The following NSG1 variants were observed in gnomAD, a reference collection of about 807,000 sequenced individuals.
The protein encoded by NSG1 is neuronal vesicle trafficking-associated protein 1.
In NSG1, 9 loss-of-function variants were observed where a neutral mutation model predicts 19.3. The observed-to-expected ratio is 0.47, with a 90% CI of 0.28 to 0.81. The LOEUF (loss-of-function observed/expected upper bound fraction) is 0.81, where lower values mean the gene tolerates loss of function less well. Ranked by LOEUF, NSG1 falls within the 40% of genes least tolerant of loss-of-function variation. NSG1 has a pLI of 0.11. For missense variants in NSG1, 236 were observed against 242.4 expected (o/e 0.97, Z 0.18); for synonymous variants, 104 against 107.0 (o/e 0.97, Z 0.17).
intron 3 of NSG1, among the ~76,000 whole-genome samples, chr4:4,396,298 C>T (rs1427348068): frequency 6.6e-6 from 1 of 152,092 alleles, no homozygotes; most frequent in Non-Finnish European, 1.5e-5. Flanking sequence ...AGACAGGTGA[C>T]AGGAAGGCTC....
chr4:4,398,445 G>GC (rs60967440), intron 3 of NSG1, among the ~76,000 whole-genome samples: 15,778 of 149,976 alleles, frequency 0.11, 1,065 homozygotes, highest in African/African-American at 0.19. Flanking sequence ...TCACTCCCAT[G>GC]CCCCCCCCCA....
intron 3 of NSG1, among the ~76,000 whole-genome samples, chr4:4,408,075 A>C (rs1431389664): frequency 6.6e-6 from 1 of 152,044 alleles, no homozygotes; most frequent in Non-Finnish European, 1.5e-5. Flanking sequence ...GTCTCCTATC[A>C]CAGATGGGAA....
At chr4:4,387,561 C>CCGGGGGTGG in intron 1 of NSG1, 43 bp from the exon 2 acceptor site, 24 of 1,141,944 alleles carry the variant, frequency 2.1e-5, no homozygotes, top group East Asian at 5.4e-5. Context: ...CGCCCCGCCC[C>CCGGGGGTGG]GGGTCTTGCT....
At chr4:4,413,581 A>ATC (rs1434775729) in intron 4 of NSG1, among the ~76,000 whole-genome samples, 1 of 150,618 alleles carries the variant, frequency 6.6e-6, no homozygotes, top group Non-Finnish European at 1.5e-5. Flanking sequence ...GCACAGAGGG[A>ATC]GCAGCGGGCA....
chr4:4,400,304 AT>A (rs1723479215), intron 3 of NSG1, among the ~76,000 whole-genome samples: 1 of 152,168 alleles, frequency 6.6e-6, no homozygotes, highest in Non-Finnish European at 1.5e-5. Flanking sequence ...TCTCAATTGT[AT>A]TACGTGGATT....
At chr4:4,409,797 A>G (rs1163270033) in intron 4 of NSG1, 114 bp downstream of exon 4, 1 of 817,000 alleles carries the variant, frequency 1.2e-6, no homozygotes, top group Non-Finnish European at 2.0e-6. Flanking sequence ...GACAGGCCTT[A>G]GAGCAGCAGG....
In NSG1 at chr4:4,419,057, T is replaced by G. The variant is rs2108763157; in HGVS notation, c.*1622T>G. ...TCTGTGCAAATAAAGAACATGAGGA[T>G]ACCTGTGCTGCCCAGTGGACTGTCT... On this transcript the variant is annotated 3_prime_UTR_variant, in exon 5 of 5. Transcript: ENST00000621129. 1 of 152,380 alleles carries G rather than the reference T, an allele frequency of 6.6e-6. No homozygotes were observed. Among genetic ancestry groups the G allele is most frequent in the Non-Finnish European group, 1.5e-5 (1 of 68,040 alleles). 9.4% of individuals were successfully genotyped at this position (152,380 alleles called of 1,614,324 possible). A position where few individuals can be genotyped will look rare whatever the true frequency, so the allele number is the denominator to read the frequency against.
intron 4 of NSG1, among the ~76,000 whole-genome samples, chr4:4,413,184 T>C (rs1315175668): frequency 1.3e-5 from 2 of 151,872 alleles, no homozygotes. Context: ...CATTCTCAAA[T>C]GAACGGTGAG....
chr4:4,405,598 C>T (rs1723809960), intron 3 of NSG1, among the ~76,000 whole-genome samples: 2 of 152,138 alleles, frequency 1.3e-5, no homozygotes, highest in Non-Finnish European at 2.9e-5. Context: ...GCCCGTGGCC[C>T]TCTCTCTCCT....
intron 4 of NSG1, among the ~76,000 whole-genome samples, chr4:4,415,107 T>G (rs750319314): frequency 4.6e-5 from 7 of 152,152 alleles, no homozygotes. Flanking sequence ...ACGTTCTTGC[T>G]ATGTTGCCCA....
At chr4:4,413,301 T>C (rs1415566031) in intron 4 of NSG1, among the ~76,000 whole-genome samples, 1 of 151,396 alleles carries the variant, frequency 6.6e-6, no homozygotes, top group Non-Finnish European at 1.5e-5. Flanking sequence ...TGGTCCACAT[T>C]GGAGGAGCGG....
chr4:4,417,188 C>A (rs757156216), intron 4 of NSG1, 47 bp from the exon 5 acceptor site: 3 of 1,535,476 alleles, frequency 2.0e-6, no homozygotes, highest in East Asian at 2.2e-5. Context: ...CACACTGGCA[C>A]CCCCTCTTGC....
chr4:4,408,185 C>T (rs908473109), intron 3 of NSG1, among the ~76,000 whole-genome samples: 4 of 152,074 alleles, frequency 2.6e-5, no homozygotes, highest in Non-Finnish European at 5.9e-5. Flanking sequence ...AGTTGAGCTT[C>T]GGGACTGCAG....
chr4:4,387,843 T>C, intron 2 of NSG1, 85 bp downstream of exon 2: 2 of 1,155,766 alleles, frequency 1.7e-6, no homozygotes, highest in East Asian at 4.8e-5. Context: ...ACGCGCCGCG[T>C]GCGCTGGGTA....
chr4:4,402,457 G>A (rs1357500947), intron 3 of NSG1, among the ~76,000 whole-genome samples: 2 of 130,736 alleles, frequency 1.5e-5, no homozygotes, highest in East Asian at 2.3e-4. Flanking sequence ...GCGGGATCTC[G>A]GCTCACTGCA....
intron 4 of NSG1, among the ~76,000 whole-genome samples, chr4:4,414,599 G>T (rs1040807168): frequency 1.3e-5 from 2 of 152,192 alleles, no homozygotes; most frequent in Non-Finnish European, 2.9e-5. Flanking sequence ...TAGGCAGCTT[G>T]TGTGGGACTT....
chr4:4,413,997 GAGAGGACAGC>G (rs1417888845), intron 4 of NSG1, among the ~76,000 whole-genome samples: 4 of 152,132 alleles, frequency 2.6e-5, no homozygotes, highest in Admixed American at 6.5e-5. Flanking sequence ...CTGAGCCGGA[GAGAGGACAGC>G]AGAGGACAGC....
At chr4:4,402,845 A>G (rs1723641891) in intron 3 of NSG1, among the ~76,000 whole-genome samples, 1 of 152,172 alleles carries the variant, frequency 6.6e-6, no homozygotes. Flanking sequence ...TGCCTGGCCC[A>G]CCTGGAGAAG....
rs756714192 is a variant in NSG1, at chr4:4,387,730, A to G, written c.101A>G (p.Asn34Ser). 1.8e-5 allele frequency: 29 copies of G among 1,612,312 alleles called. No homozygotes were observed. The highest frequency in any genetic ancestry group is 9.9e-5 in the South Asian group (9 of 91,036). Reference sequence around the variant, plus strand: ...CCCCTGATGACGCCCCTCGATGTCAATCAGCTGCAGTTCCCGCCCCCGGAT... The same window carrying G: ...CCCCTGATGACGCCCCTCGATGTCAGTCAGCTGCAGTTCCCGCCCCCGGAT... Reference protein sequence around the residue: ...TIPLMTPLDVNQLQFPPPDKV... With the variant: ...TIPLMTPLDVSQLQFPPPDKV... Residue 34 changes from asparagine to serine, a missense_variant, in exon 2 of 5, where the codon AAT becomes AGT. Asn to Ser is a conservative substitution (Grantham distance 46). Coordinates refer to ENST00000621129, the MANE Select transcript of NSG1 (RefSeq NM_014392.5).
Sources: allele counts gnomAD v4.1 joint callset (sites outside exome capture counted in the v4.1 genomes callset), GRCh38; gene constraint gnomAD v4.1.1; transcripts MANE v1.5; gene names NCBI Gene and HGNC (gene_info 2026-07-23, HGNC 2026-07-21).